The following EXT1 variants were observed in gnomAD, a reference collection of about 807,000 sequenced individuals.
EXT1 encodes the protein exostosin glycosyltransferase 1.
A neutral mutation model predicts 82.5 loss-of-function variants in EXT1; 20 were observed. The ratio of observed to expected loss-of-function variants is 0.24; its 90% CI spans 0.17 to 0.35. EXT1 has a LOEUF of 0.35. Among genes scored for constraint, EXT1 ranks in the 10% least tolerant of loss-of-function variants. EXT1 has a pLI of 1.00. For synonymous variants in EXT1, 348 were observed against 350.8 expected, an observed-to-expected ratio of 0.99 and a Z score of 0.09; for missense variants, 757 against 936.5, an observed-to-expected ratio of 0.81 and a Z score of 2.50.
chr8:117,999,242 G>A (rs982446609), intron 1 of EXT1, among the ~76,000 whole-genome samples: 8 of 152,048 alleles, frequency 5.3e-5, no homozygotes, highest in Non-Finnish European at 1.0e-4. Context: ...AATAATGGCC[G>A]ACTAATATGT....
intron 1 of EXT1, among the ~76,000 whole-genome samples, chr8:117,837,936 A>G (rs17474672): frequency 0.09 from 13,710 of 152,132 alleles, 792 homozygotes; most frequent in African/African-American, 0.17. Flanking sequence ...CTCAAATACC[A>G]TTTAATGATA....
chr8:117,933,236 ATTTT>A (rs34159778), intron 1 of EXT1, among the ~76,000 whole-genome samples: 2,713 of 133,204 alleles, frequency 0.02, 68 homozygotes, highest in East Asian at 0.15. Context: ...TCTGCTGGGT[ATTTT>A]TTTTTTTTTT....
In EXT1 at chr8:117,797,664, T is replaced by C. The variant is rs146325415; in HGVS notation, c.*2048A>G. 7.9e-5 allele frequency: 12 copies of C among 152,344 alleles called. No individual in the cohort carries two copies. Among genetic ancestry groups the C allele is most frequent in the African/African-American group, 2.6e-4 (11 of 41,578 alleles). 9.4% of individuals were successfully genotyped at this position (152,344 alleles called of 1,614,324 possible). A position where few individuals can be genotyped will look rare whatever the true frequency, so the allele number is the denominator to read the frequency against. ...GAATAAAGATTAACTGCTAATCTTTTAACTTGCTGAGAAGTGCAGCTTAAA... is the reference window on the plus strand; with the variant it reads ...GAATAAAGATTAACTGCTAATCTTTCAACTTGCTGAGAAGTGCAGCTTAAA... On this transcript the variant is annotated 3_prime_UTR_variant, in exon 11 of 11. Transcript: ENST00000378204.
chr8:117,936,907 A>T (rs972826681), intron 1 of EXT1, among the ~76,000 whole-genome samples: 7 of 152,048 alleles, frequency 4.6e-5, no homozygotes, highest in African/African-American at 1.7e-4. Context: ...CAAACAAATA[A>T]ATAAATAAAT....
chr8:117,928,764 A>G (rs1813996829), intron 1 of EXT1, among the ~76,000 whole-genome samples: 1 of 151,236 alleles, frequency 6.6e-6, no homozygotes, highest in African/African-American at 2.5e-5. Flanking sequence ...GTCAGTCAAT[A>G]TTAAAAAAAA....
intron 1 of EXT1, among the ~76,000 whole-genome samples, chr8:117,993,368 C>T (rs923929526): frequency 3.9e-5 from 6 of 152,194 alleles, no homozygotes; most frequent in African/African-American, 1.4e-4. Flanking sequence ...AAGTCTCTGG[C>T]CCGGCAGGAT....
intron 1 of EXT1, among the ~76,000 whole-genome samples, chr8:118,039,327 A>C (rs1051161085): frequency 1.8e-4 from 27 of 152,204 alleles, no homozygotes; most frequent in African/African-American, 6.5e-4. Flanking sequence ...TGGGAGGCCA[A>C]GGCGGGCAGA....
chr8:117,823,040 A>G (rs1811951827), intron 4 of EXT1, among the ~76,000 whole-genome samples: 1 of 152,180 alleles, frequency 6.6e-6, no homozygotes, highest in Admixed American at 6.5e-5. Context: ...TATTCAAGAC[A>G]TGACACATTC....
chr8:117,837,277 C>T (rs1812203563), intron 1 of EXT1, 76 bp from the exon 2 acceptor site: 1 of 1,220,880 alleles, frequency 8.2e-7, no homozygotes, highest in Non-Finnish European at 1.2e-6. Context: ...GGTGGGCGCC[C>T]ATGTGCATGA....
chr8:117,914,126 G>A (rs1267958098), intron 1 of EXT1, among the ~76,000 whole-genome samples: 1 of 152,138 alleles, frequency 6.6e-6, no homozygotes, highest in Non-Finnish European at 1.5e-5. Flanking sequence ...GCCCATACAG[G>A]TATCTTCCAC....
chr8:118,109,225 A>G (rs1169648901), intron 1 of EXT1, among the ~76,000 whole-genome samples: 2 of 151,954 alleles, frequency 1.3e-5, no homozygotes, highest in Admixed American at 1.3e-4. Flanking sequence ...GCCTCACTAC[A>G]GAGGGTAAGG....
At chr8:117,891,805 C>CTTTTTTT (rs33967253) in intron 1 of EXT1, among the ~76,000 whole-genome samples, 1 of 121,072 alleles carries the variant, frequency 8.3e-6, no homozygotes, top group Non-Finnish European at 1.7e-5. Flanking sequence ...TTTTTTCTTG[C>CTTTTTTT]TTTTTTTTTT....
At chr8:118,095,317 C>T (rs1451695860) in intron 1 of EXT1, among the ~76,000 whole-genome samples, 1 of 152,190 alleles carries the variant, frequency 6.6e-6, no homozygotes, top group Non-Finnish European at 1.5e-5. Context: ...CCGTACTAAG[C>T]ATTGAGGTAC....
chr8:118,029,725 A>T (rs186415658), intron 1 of EXT1, among the ~76,000 whole-genome samples: 1 of 152,210 alleles, frequency 6.6e-6, no homozygotes, highest in Non-Finnish European at 1.5e-5. Context: ...TGATAGGCCA[A>T]TAATGTCAAA....
intron 1 of EXT1, among the ~76,000 whole-genome samples, chr8:117,901,775 C>T (rs1249699916): frequency 6.6e-6 from 1 of 152,136 alleles, no homozygotes; most frequent in Non-Finnish European, 1.5e-5. Flanking sequence ...CAACTCACTG[C>T]AGCCTCGACC....
At chr8:118,019,157 C>T (rs956045188) in intron 1 of EXT1, among the ~76,000 whole-genome samples, 1 of 151,822 alleles carries the variant, frequency 6.6e-6, no homozygotes, top group Non-Finnish European at 1.5e-5. Flanking sequence ...CTTTAGAAAT[C>T]CAGTTTTTCA....
intron 5 of EXT1, among the ~76,000 whole-genome samples, chr8:117,820,506 T>A (rs946577638): frequency 1.3e-4 from 20 of 152,128 alleles, no homozygotes; most frequent in African/African-American, 4.8e-4. Flanking sequence ...CTGGCCAACA[T>A]GGTGAAATTC....
chr8:117,920,324 G>T (rs1280214374), intron 1 of EXT1, among the ~76,000 whole-genome samples: 1 of 151,966 alleles, frequency 6.6e-6, no homozygotes, highest in Non-Finnish European at 1.5e-5. Flanking sequence ...GGCTGGTCTC[G>T]AACTCCTGAA....
intron 1 of EXT1, among the ~76,000 whole-genome samples, chr8:118,073,749 G>C (rs942520040): frequency 6.6e-6 from 1 of 152,176 alleles, no homozygotes; most frequent in Admixed American, 6.5e-5. Context: ...CTTATGCAGA[G>C]AGGGAAGCAT....
Sources: allele counts gnomAD v4.1 joint callset (sites outside exome capture counted in the v4.1 genomes callset), GRCh38; gene constraint gnomAD v4.1.1; transcripts MANE v1.5; gene names NCBI Gene and HGNC (gene_info 2026-07-23, HGNC 2026-07-21).